PCDHGB6: variants seen among roughly 807,000 people sequenced by gnomAD.
PCDHGB6 encodes the protein protocadherin gamma subfamily B, 6.
Under a neutral mutation model 59.1 loss-of-function variants are expected in PCDHGB6, and 51 were observed. The ratio of observed to expected loss-of-function variants is 0.86; its 90% confidence interval spans 0.69 to 1.09. The LOEUF (loss-of-function observed/expected upper bound fraction) is 1.09, where lower values mean the gene tolerates loss of function less well. PCDHGB6 is among the 50% of genes least tolerant of loss of function. The pLI, the probability that PCDHGB6 is intolerant of heterozygous loss-of-function variation, is 0.00. For synonymous variants in PCDHGB6, 466 were observed against 495.1 expected, an observed-to-expected ratio of 0.94 and a Z score of 0.78; for missense variants, 1,148 against 1,205.1, an observed-to-expected ratio of 0.95 and a Z score of 0.70.
chr5:141,496,440 A>G (rs2099768848), intron 2 of PCDHGB6, among the ~76,000 whole-genome samples: 1 of 152,158 alleles, frequency 6.6e-6, no homozygotes, highest in South Asian at 2.1e-4. Flanking sequence ...AAGTTGCTAC[A>G]GATGCTGAGC....
intron 2 of PCDHGB6, among the ~76,000 whole-genome samples, chr5:141,497,171 C>T (rs991574648): frequency 6.6e-6 from 1 of 151,148 alleles, no homozygotes; most frequent in African/African-American, 2.5e-5. Context: ...CCACAAATCA[C>T]AGTAAGTTCT....
At chr5:141,500,438 T>C (rs977844035) in intron 2 of PCDHGB6, among the ~76,000 whole-genome samples, 2 of 151,816 alleles carry the variant, frequency 1.3e-5, no homozygotes, top group African/African-American at 4.8e-5. Flanking sequence ...CTCGATCTCC[T>C]GACCTCGTGA....
Position 141,490,389 on chromosome 5 carries a change from T to C in PCDHGB6, c.2419-4418T>C, listed in dbSNP as rs1221410350. The C allele has an allele frequency of 6.2e-7, 1 of 1,614,174 alleles. No homozygotes were observed. Among genetic ancestry groups the C allele is most frequent in the African/African-American group, 1.3e-5 (1 of 75,040 alleles). On this transcript the variant is annotated intron_variant, in intron 1 of 3. Transcript: ENST00000520790. The surrounding 1 kb of genome is among the most constrained non-coding windows in gnomAD (Gnocchi z 5.4). The stretch of plus-strand genomic sequence containing the variant: ...GAGACCGGGACTCAGGTAGAAATGG[T>C]GAAGTGAGCCTTGATATCTCTCCGG...
At chr5:141,414,704 C>A (rs778708386) in intron 1 of PCDHGB6, 8 of 1,614,036 alleles carry the variant, frequency 5.0e-6, no homozygotes, top group Non-Finnish European at 5.9e-6. Flanking sequence ...TCATACATAT[C>A]CATCAACTCA....
At chr5:141,413,605 G>A in intron 1 of PCDHGB6, 1 of 1,613,854 alleles carries the variant, frequency 6.2e-7, no homozygotes, top group Non-Finnish European at 8.5e-7. Flanking sequence ...AAATCTAGAC[G>A]TAAAAATTAA....
At position 141,493,906 on chromosome 5, in the gene PCDHGB6, G is replaced by A. The variant is rs2099750764; in HGVS notation, c.2419-901G>A. ...CTCTAGGAGTGCTCCATGAGAGTGT[G>A]TGATGGGATAACACACCCCCTGGAA... is the stretch of plus-strand genomic sequence containing the variant. On this transcript the variant is annotated intron_variant, in intron 1 of 3. Transcript: ENST00000520790. The surrounding 1 kb of genome is among the most constrained non-coding windows in gnomAD (Gnocchi z 4.3). Among the ~76,000 whole-genome samples the A allele has an allele frequency of 6.6e-6, 1 of 152,200 alleles. No individual in the cohort carries two copies. Among genetic ancestry groups the A allele is most frequent in the Non-Finnish European group, 1.5e-5 (1 of 68,032 alleles).
chr5:141,500,216 ATT>A (rs1562194139), intron 2 of PCDHGB6, among the ~76,000 whole-genome samples: 8 of 149,244 alleles, frequency 5.4e-5, no homozygotes, highest in African/African-American at 2.0e-4. Flanking sequence ...TTATTTATTT[ATT>A]TATTTATTGA....
intron 1 of PCDHGB6, among the ~76,000 whole-genome samples, chr5:141,469,206 A>T (rs752389937): frequency 6.6e-6 from 1 of 150,920 alleles, no homozygotes; most frequent in African/African-American, 2.4e-5. Flanking sequence ...AGCCTTTTGA[A>T]GTTGAGGCTT....
At chr5:141,460,455 A>G (rs1021070289) in intron 1 of PCDHGB6, among the ~76,000 whole-genome samples, 2 of 152,080 alleles carry the variant, frequency 1.3e-5, no homozygotes, top group African/African-American at 4.8e-5. Context: ...GAAGATTCAT[A>G]TTTTTTTCCA....
rs1321974739 is a variant in PCDHGB6, at chr5:141,432,755, G to A, written c.2418+22135G>A. The A allele has an allele frequency of 2.5e-6, 4 of 1,614,134 alleles. No individual in the cohort carries two copies. Among genetic ancestry groups the A allele is most frequent in the African/African-American group, 1.3e-5 (1 of 75,060 alleles). On this transcript the variant is annotated intron_variant, in intron 1 of 3. Coordinates refer to ENST00000520790, the MANE Select transcript of PCDHGB6 (RefSeq NM_018926.3). This position sits in a 1 kb window ranked among gnomAD's most constrained non-coding sequence, Gnocchi z 6.0. ...TGTCACGCTCACCGTGGCCGTGGCC[G>A]ACAGCATCCCCCAAGTCCTGGCGGA...
At chr5:141,441,757 G>A (rs1423867327) in intron 1 of PCDHGB6, 2 of 381,638 alleles carry the variant, frequency 5.2e-6, no homozygotes, top group Middle Eastern at 6.5e-4. Context: ...GTCAACGTGA[G>A]CCTGCGCGTG....
chr5:141,436,591 G>A (rs903125499), intron 1 of PCDHGB6, among the ~76,000 whole-genome samples: 8 of 152,154 alleles, frequency 5.3e-5, no homozygotes, highest in Non-Finnish European at 1.0e-4. Context: ...TTGAAAGGTC[G>A]TGGTGATGGC....
At chr5:141,496,121 C>G (rs1391009290) in intron 2 of PCDHGB6, among the ~76,000 whole-genome samples, 1 of 152,088 alleles carries the variant, frequency 6.6e-6, no homozygotes, top group Non-Finnish European at 1.5e-5. Context: ...TCCTTCCCTG[C>G]CCCTCACACA....
At chr5:141,440,838 C>A (rs2098204954) in intron 1 of PCDHGB6, 1 of 152,102 alleles carries the variant, frequency 6.6e-6, no homozygotes, top group African/African-American at 2.4e-5. Context: ...TTGGTTGAAG[C>A]CAATGACAAC....
chr5:141,442,596 T>C (rs2154559877), intron 1 of PCDHGB6: 1 of 152,310 alleles, frequency 6.6e-6, no homozygotes, highest in South Asian at 2.1e-4. Flanking sequence ...TTAAATATTT[T>C]CAGAGATCTC....
In PCDHGB6 at chr5:141,512,845, A is replaced by G. The variant is rs1166488780; in HGVS notation, c.*1672A>G. On this transcript the variant is annotated 3_prime_UTR_variant, in exon 4 of 4. Coordinates refer to ENST00000520790, the MANE Select transcript of PCDHGB6 (RefSeq NM_018926.3). ...CTCCCCCGTACTGACTTCTCCTATA[A>G]GCGCTTCTCTTCGCATAGTCACGTA... The G allele has an allele frequency of 6.6e-6, 1 of 152,156 alleles. No individual in the cohort carries two copies. Among genetic ancestry groups the G allele is most frequent in the African/African-American group, 2.4e-5 (1 of 41,380 alleles). 9.4% of individuals were successfully genotyped at this position (152,156 alleles called of 1,614,324 possible).
At chr5:141,437,796 G>A (rs2097911691) in intron 1 of PCDHGB6, among the ~76,000 whole-genome samples, 1 of 150,348 alleles carries the variant, frequency 6.7e-6, no homozygotes, top group South Asian at 2.1e-4. Context: ...GGAGTGCAGT[G>A]GCACTATCTT....
intron 1 of PCDHGB6, among the ~76,000 whole-genome samples, chr5:141,437,064 G>T (rs1380953110): frequency 6.6e-6 from 1 of 152,170 alleles, no homozygotes; most frequent in Non-Finnish European, 1.5e-5. Flanking sequence ...ATCATTATTT[G>T]GTTTGGGCCA....
At position 141,409,876 on chromosome 5, in the gene PCDHGB6, C is replaced by A; in HGVS notation, c.1674C>A (p.Asn558Lys). ...LRVLVGDRND[N>K]APRVLYPALG... The stretch of plus-strand genomic sequence containing the variant: ...TGTTGGTGGGAGACCGCAATGACAA[C>A]GCACCGCGGGTGCTGTACCCAGCTC... The change falls in exon 1 of 4, where the codon AAC becomes AAA. Residue 558 changes from asparagine (N) to lysine (K), a missense_variant. Coordinates refer to ENST00000520790, the MANE Select transcript of PCDHGB6 (RefSeq NM_018926.3). 1 of 1,612,874 alleles carries A rather than the reference C, an allele frequency of 6.2e-7. No homozygotes were observed.
Sources: gnomAD v4.1 joint callset for allele counts (sites outside exome capture counted in the v4.1 genomes callset) on GRCh38, gnomAD v4.1.1 for gene constraint, Gnocchi (gnomAD v3.1) non-coding constraint, MANE v1.5 for transcripts, NCBI Gene and HGNC (gene_info 2026-07-23, HGNC 2026-07-21) for gene names.